The following CCDC149 variants were observed in gnomAD, a reference collection of about 807,000 sequenced individuals.
CCDC149 encodes the protein coiled-coil domain containing 149, also known as coiled-coil domain-containing protein 149.
A neutral mutation model predicts 59.9 loss-of-function variants in CCDC149; 45 were observed. The ratio of observed to expected loss-of-function variants is 0.75; its 90% CI spans 0.59 to 0.96. The LOEUF (loss-of-function observed/expected upper bound fraction) is 0.96. Ranked by LOEUF, CCDC149 falls within the 40% of genes least tolerant of loss-of-function variation. The pLI, the probability that CCDC149 is intolerant of heterozygous loss-of-function variation, is 0.00. For missense variants in CCDC149, 584 were observed against 664.7 expected (o/e 0.88, Z 1.33); for synonymous variants, 245 against 260.6 (o/e 0.94, Z 0.58).
intron 1 of CCDC149, among the ~76,000 whole-genome samples, chr4:24,963,761 T>C (rs1236512206): frequency 2.6e-5 from 4 of 152,246 alleles, no homozygotes; most frequent in Non-Finnish European, 1.5e-5. Flanking sequence ...GTTGGAGTTA[T>C]CTGGCAAAGA....
chr4:24,887,780 T>C (rs1175816922), intron 1 of CCDC149, among the ~76,000 whole-genome samples: 1 of 150,876 alleles, frequency 6.6e-6, no homozygotes, highest in African/African-American at 2.4e-5. Flanking sequence ...CTTTGGAGAA[T>C]GTAAATTAGG....
intron 1 of CCDC149, among the ~76,000 whole-genome samples, chr4:24,936,395 T>C (rs1416989891): frequency 6.6e-6 from 1 of 152,104 alleles, no homozygotes; most frequent in Non-Finnish European, 1.5e-5. Flanking sequence ...CAGGATTTAT[T>C]TTCTTTAAAT....
intron 1 of CCDC149, among the ~76,000 whole-genome samples, chr4:24,969,493 C>T (rs1723898170): frequency 1.3e-5 from 2 of 152,280 alleles, no homozygotes. Flanking sequence ...GCCATACATC[C>T]TACAAGCCCC....
Position 24,908,570 on chromosome 4 carries a change from C to T in CCDC149, c.63+4247G>A, listed in dbSNP as rs565481476. Among the ~76,000 whole-genome samples, 22 of 151,198 alleles carry T rather than the reference C, an allele frequency of 1.5e-4. No individual in the cohort carries two copies. In the South Asian group the frequency reaches 2.7e-3, roughly 19 times the overall value. On this transcript the variant is annotated intron_variant, in intron 1 of 12. Coordinates refer to ENST00000635206, the MANE Select transcript of CCDC149 (RefSeq NM_001330643.2). Reference sequence around the variant, plus strand: ...AAAAAATTGGCTGGGCATGGTGGCACGTGCCTGTAACTCCAGCTACTCAGG... The same window carrying T: ...AAAAAATTGGCTGGGCATGGTGGCATGTGCCTGTAACTCCAGCTACTCAGG...
At chr4:24,862,375 C>T (rs970879285) in intron 3 of CCDC149, among the ~76,000 whole-genome samples, 1 of 152,180 alleles carries the variant, frequency 6.6e-6, no homozygotes, top group East Asian at 1.9e-4. Context: ...GGATACCAGC[C>T]GTGGCGGCCA....
At chr4:24,857,586 T>C (rs1176437241) in intron 3 of CCDC149, among the ~76,000 whole-genome samples, 1 of 152,080 alleles carries the variant, frequency 6.6e-6, no homozygotes. Context: ...TTTATAAAAA[T>C]CAGTCAATAA....
chr4:24,821,641 C>T (rs900022535), intron 10 of CCDC149, among the ~76,000 whole-genome samples: 1 of 152,206 alleles, frequency 6.6e-6, no homozygotes, highest in African/African-American at 2.4e-5. Flanking sequence ...TCCAGGGAAG[C>T]ATCCATATGA....
Position 24,927,590 on chromosome 4 carries a change from T to C in CCDC149, c.-64-32472A>G, listed in dbSNP as rs189408411. On this transcript the variant is annotated intron_variant, in intron 1 of 12. Coordinates refer to the CCDC149 transcript ENST00000389609. ...TAAAGCAGGTGCTGAAACCTTCTCC[T>C]AGCCTGAAGTATTCCACTTACAAAC... 5.8e-4 allele frequency among the ~76,000 whole-genome samples: 89 copies of C among 152,364 alleles called. 1 individual carries two copies. In the East Asian group the frequency reaches 0.015, roughly 25 times the overall value.
intron 1 of CCDC149, among the ~76,000 whole-genome samples, chr4:24,888,147 T>C (rs1050516001): frequency 6.6e-6 from 1 of 152,146 alleles, no homozygotes; most frequent in Non-Finnish European, 1.5e-5. Flanking sequence ...TAAGGCCTCT[T>C]TGCAGCCAGG....
Position 24,837,086 on chromosome 4 carries a change from T to C in CCDC149, c.662+142A>G, listed in dbSNP as rs144776592. 189 of 747,904 alleles carry C rather than the reference T, an allele frequency of 2.5e-4. 1 individual carries two copies. The East Asian group carries it at 4.2e-3, about 17-fold the overall frequency. 46.3% of individuals were successfully genotyped at this position (747,904 alleles called of 1,614,324 possible). A position where few individuals can be genotyped will look rare whatever the true frequency, so the allele number is the denominator to read the frequency against. ...TTGCAACTAATACATGGCATTGATG[T>C]CATCATTTCGGGGGAGTGAGTTTCT... On this transcript the variant is annotated intron_variant, in intron 6 of 12. Transcript: ENST00000635206. The surrounding 1 kb of genome is among the most constrained non-coding windows in gnomAD (Gnocchi z 4.3).
At position 24,912,900 on chromosome 4, in the gene CCDC149, C is replaced by A. The variant is rs1379790995; in HGVS notation, c.-21G>T. ...TCCATGCGCTGGCCGGCCTCCTGGA[C>A]CCCCGCCGCCTCCTCCTCCTCGCGA... On this transcript the variant is annotated 5_prime_UTR_variant, in exon 1 of 13. Coordinates refer to ENST00000635206, the MANE Select transcript of CCDC149 (RefSeq NM_001330643.2). 2 of 1,305,678 alleles carry A rather than the reference C, an allele frequency of 1.5e-6. No individual in the cohort carries two copies. The highest frequency in any genetic ancestry group is 1.6e-5 in the African/African-American group (1 of 64,188). The allele number at this position is 1,305,678 out of a possible 1,614,324, so 80.9% of individuals were successfully genotyped here.
chr4:24,882,798 G>T (rs535751078), intron 1 of CCDC149, among the ~76,000 whole-genome samples: 29 of 152,226 alleles, frequency 1.9e-4, no homozygotes, highest in African/African-American at 7.0e-4. Flanking sequence ...GGGCTCCAAG[G>T]ACTTTAGATA....
rs762165795 is a variant in CCDC149, at chr4:24,819,990, A to G, written c.1076-15T>C. 5 of 1,530,794 alleles carry G rather than the reference A, an allele frequency of 3.3e-6. No individual in the cohort carries two copies. Among genetic ancestry groups the G allele is most frequent in the Non-Finnish European group, 4.4e-6 (5 of 1,130,046 alleles). The allele number at this position is 1,530,794 out of a possible 1,614,324, so 94.8% of individuals were successfully genotyped here. ...GTCCTTGCCCCCTGTTGCAGAAAAGAGGAAAATGGATGTCTTATATCATCA... is the reference window on the plus strand; with the variant it reads ...GTCCTTGCCCCCTGTTGCAGAAAAGGGGAAAATGGATGTCTTATATCATCA... On this transcript the variant is annotated splice_polypyrimidine_tract_variant and intron_variant, in intron 11 of 12. Transcript: ENST00000635206.
Position 24,822,491 on chromosome 4 carries a change from G to A in CCDC149, c.1042+6C>T, listed in dbSNP as rs1404371700. Reference sequence around the variant, plus strand: ...AGGAAAATTGTTTTCATGAGGTTCTGTTTACCTGGAAGACTCCACAAACCA... The same window carrying A: ...AGGAAAATTGTTTTCATGAGGTTCTATTTACCTGGAAGACTCCACAAACCA... On this transcript the variant is annotated splice_donor_region_variant and intron_variant, in intron 10 of 12. Coordinates refer to ENST00000635206, the MANE Select transcript of CCDC149 (RefSeq NM_001330643.2). The A allele has an allele frequency of 2.7e-6, 4 of 1,487,740 alleles. No homozygotes were observed. The highest frequency in any genetic ancestry group is 3.6e-6 in the Non-Finnish European group (4 of 1,118,780). The allele number at this position is 1,487,740 out of a possible 1,614,324, so 92.2% of individuals were successfully genotyped here. A position where few individuals can be genotyped will look rare whatever the true frequency, so the allele number is the denominator to read the frequency against.
chr4:24,882,139 C>T (rs1719878748), intron 1 of CCDC149, among the ~76,000 whole-genome samples: 1 of 152,122 alleles, frequency 6.6e-6, no homozygotes, highest in Non-Finnish European at 1.5e-5. Flanking sequence ...ATTCAAACAA[C>T]TTTTTCTAAA....
At chr4:24,805,013 G>A (rs912166276), downstream of CCDC149, among the ~76,000 whole-genome samples, 21 of 152,190 alleles carry the variant, frequency 1.4e-4, no homozygotes, top group African/African-American at 4.8e-4. Context: ...GGTGGGCAGA[G>A]AAGGTGTGGA....
intron 4 of CCDC149, among the ~76,000 whole-genome samples, chr4:24,843,376 G>C (rs1193214787): frequency 6.6e-6 from 1 of 152,178 alleles, no homozygotes; most frequent in Non-Finnish European, 1.5e-5. Flanking sequence ...CATTCATCCG[G>C]AGTGGCACTG....
At chr4:24,831,236 G>C (rs1191651520) in intron 9 of CCDC149, 2 of 278,180 alleles carry the variant, frequency 7.2e-6, no homozygotes, top group Non-Finnish European at 1.3e-5. Context: ...TTATTTTATG[G>C]AACTCATCCA....
intron 1 of CCDC149, among the ~76,000 whole-genome samples, chr4:24,958,131 A>T (rs1723521363): frequency 6.6e-6 from 1 of 152,240 alleles, no homozygotes; most frequent in Admixed American, 6.5e-5. Context: ...TCAATGGCAT[A>T]GGTTCTTTCT....
Sources: gnomAD v4.1 joint callset for allele counts (sites outside exome capture counted in the v4.1 genomes callset) on GRCh38, gnomAD v4.1.1 for gene constraint, Gnocchi (gnomAD v3.1) non-coding constraint, MANE v1.5 for transcripts, NCBI Gene and HGNC (gene_info 2026-07-23, HGNC 2026-07-21) for gene names.